Variants in KCNIP4 observed in about 807,000 individuals in gnomAD.
KCNIP4 encodes potassium voltage-gated channel interacting protein 4, also known as Kv channel-interacting protein 4.
KCNIP4 carries 12 observed loss-of-function variants against 34.0 expected under a neutral mutation model. The observed-to-expected ratio is 0.35, with a 90% CI of 0.23 to 0.57. The LOEUF (loss-of-function observed/expected upper bound fraction) is 0.57, where lower values mean the gene tolerates loss of function less well. Ranked by LOEUF, KCNIP4 falls within the 20% of genes least tolerant of loss-of-function variation. The pLI, the probability that KCNIP4 is intolerant of heterozygous loss-of-function variation, is 0.83. For missense variants in KCNIP4, 238 were observed against 311.7 expected (o/e 0.76, Z 1.78); for synonymous variants, 124 against 102.2 (o/e 1.21, Z -1.29).
intron 1 of KCNIP4, chr4:21,844,813 G>T (rs550306557): frequency 3.3e-5 from 5 of 152,058 alleles, no homozygotes; most frequent in African/African-American, 1.2e-4. Flanking sequence ...TGCTGAAATT[G>T]ATAACCCACT....
chr4:21,319,539 T>C (rs867026392), intron 1 of KCNIP4, among the ~76,000 whole-genome samples: 7 of 152,256 alleles, frequency 4.6e-5, no homozygotes, highest in Non-Finnish European at 1.0e-4. Flanking sequence ...TCCACTGTTA[T>C]GTCTAGGCCC....
At chr4:21,745,458 T>C (rs770587947) in intron 1 of KCNIP4, among the ~76,000 whole-genome samples, 6 of 152,298 alleles carry the variant, frequency 3.9e-5, no homozygotes, top group Non-Finnish European at 8.8e-5. Context: ...AAGAATGTAA[T>C]AGCCATAGAA....
chr4:21,592,374 T>C (rs578110704), intron 1 of KCNIP4, among the ~76,000 whole-genome samples: 95 of 152,234 alleles, frequency 6.2e-4, no homozygotes, highest in African/African-American at 2.0e-3. Context: ...GTTTGGTTAT[T>C]TTAAGTATTC....
chr4:21,078,883 C>G (rs1745752297), intron 1 of KCNIP4, among the ~76,000 whole-genome samples: 1 of 152,092 alleles, frequency 6.6e-6, no homozygotes, highest in Non-Finnish European at 1.5e-5. Context: ...GTTGTTCAAA[C>G]TGGGGAGAGT....
At chr4:21,589,071 A>G (rs966957213) in intron 1 of KCNIP4, among the ~76,000 whole-genome samples, 11 of 148,572 alleles carry the variant, frequency 7.4e-5, no homozygotes, top group Non-Finnish European at 1.3e-4. Flanking sequence ...GACGAAAAGA[A>G]GAAACCAGAT....
chr4:21,434,528 C>T (rs1450933320), intron 1 of KCNIP4, among the ~76,000 whole-genome samples: 1 of 152,092 alleles, frequency 6.6e-6, no homozygotes, highest in African/African-American at 2.4e-5. Context: ...CACTCTGTGG[C>T]CTGTTAGGAA....
chr4:20,940,276 T>G (rs1290765991), intron 1 of KCNIP4, among the ~76,000 whole-genome samples: 1 of 152,202 alleles, frequency 6.6e-6, no homozygotes, highest in Non-Finnish European at 1.5e-5. Context: ...AATGAGTAAT[T>G]ATTATAGCTG....
At chr4:20,807,088 GTGCTGAGTTAATTCTCTCACC>G (rs1047184945) in intron 3 of KCNIP4, among the ~76,000 whole-genome samples, 6 of 152,140 alleles carry the variant, frequency 3.9e-5, no homozygotes, top group Non-Finnish European at 5.9e-5. Flanking sequence ...TGTGGGCTGT[GTGCTGAGTTAATTCTCTCACC>G]ATTTTTTAAA....
intron 1 of KCNIP4, among the ~76,000 whole-genome samples, chr4:21,735,366 A>T (rs28662772): frequency 0.087 from 13,207 of 152,172 alleles, 1,911 homozygotes; most frequent in African/African-American, 0.3. Flanking sequence ...TAAATTTAAA[A>T]CAAAGATTAC....
intron 1 of KCNIP4, among the ~76,000 whole-genome samples, chr4:21,660,912 T>C (rs945703033): frequency 2.0e-5 from 3 of 152,104 alleles, no homozygotes; most frequent in Non-Finnish European, 4.4e-5. Context: ...GGCCCCACCC[T>C]CAAGCCTGGA....
intron 1 of KCNIP4, among the ~76,000 whole-genome samples, chr4:20,930,829 TG>T (rs1730382182): frequency 8.0e-6 from 1 of 125,080 alleles, no homozygotes; most frequent in African/African-American, 2.6e-5. Context: ...CCCATTAGGA[TG>T]GCTATTATAA....
intron 1 of KCNIP4, among the ~76,000 whole-genome samples, chr4:20,975,910 T>C (rs920904527): frequency 2.0e-5 from 3 of 152,208 alleles, no homozygotes; most frequent in African/African-American, 7.2e-5. Context: ...TCAAAGAGCA[T>C]CTACAATGTT....
At chr4:20,976,608 G>A (rs80052914) in intron 1 of KCNIP4, among the ~76,000 whole-genome samples, 22 of 152,014 alleles carry the variant, frequency 1.4e-4, no homozygotes, top group Middle Eastern at 3.4e-3. Context: ...CTTCCCTCTC[G>A]CCTTATTCTG....
intron 1 of KCNIP4, among the ~76,000 whole-genome samples, chr4:21,603,050 A>G (rs1429934237): frequency 6.6e-6 from 1 of 152,054 alleles, no homozygotes; most frequent in Non-Finnish European, 1.5e-5. Context: ...TGTTTTTTGG[A>G]AAAAACAACT....
At chr4:21,042,377 A>G (rs1181383298) in intron 1 of KCNIP4, among the ~76,000 whole-genome samples, 1 of 152,220 alleles carries the variant, frequency 6.6e-6, no homozygotes, top group Middle Eastern at 3.2e-3. Context: ...AAGTTCTGTC[A>G]TTTGTGACAA....
At chr4:21,297,660 C>A (rs1369213586) in intron 1 of KCNIP4, among the ~76,000 whole-genome samples, 1 of 152,096 alleles carries the variant, frequency 6.6e-6, no homozygotes, top group Non-Finnish European at 1.5e-5. Flanking sequence ...GCAGTTTCTG[C>A]AGGATGTTTT....
chr4:21,832,724 A>G (rs578147799), intron 1 of KCNIP4, among the ~76,000 whole-genome samples: 13 of 133,610 alleles, frequency 9.7e-5, no homozygotes, highest in Non-Finnish European at 1.9e-4. Flanking sequence ...ATATCTCCCA[A>G]TGCTATCCCT....
chr4:20,919,755 G>A (rs192476320), intron 1 of KCNIP4, among the ~76,000 whole-genome samples: 4 of 151,030 alleles, frequency 2.6e-5, no homozygotes, highest in Non-Finnish European at 5.9e-5. Context: ...ATTGTTTGGC[G>A]GGGGGGAGTC....
intron 1 of KCNIP4, among the ~76,000 whole-genome samples, chr4:21,649,318 C>A (rs901539407): frequency 6.6e-6 from 1 of 152,140 alleles, no homozygotes; most frequent in Non-Finnish European, 1.5e-5. Flanking sequence ...ATCCAGAATT[C>A]CCATCATTGG....
Sources: allele counts gnomAD v4.1 joint callset (sites outside exome capture counted in the v4.1 genomes callset), GRCh38; gene constraint gnomAD v4.1.1; transcripts MANE v1.5; gene names NCBI Gene and HGNC (gene_info 2026-07-23, HGNC 2026-07-21).